The following ABCA12 variants were observed in gnomAD, a reference collection of about 807,000 sequenced individuals.
ABCA12 encodes ATP binding cassette subfamily A member 12, also known as glucosylceramide transporter ABCA12.
In ABCA12, 156 loss-of-function variants were observed where a neutral mutation model predicts 293.5. The ratio of observed to expected loss-of-function variants is 0.53; its 90% CI spans 0.47 to 0.61. The LOEUF is 0.61. Among genes scored for constraint, ABCA12 ranks in the 20% least tolerant of loss-of-function variants. The pLI, the probability that ABCA12 is intolerant of heterozygous loss-of-function variation, is 0.00. For synonymous variants in ABCA12, 1,063 were observed against 1,108.0 expected (o/e 0.96, Z 0.81); for missense variants, 2,797 against 3,090.2 (o/e 0.91, Z 2.25).
chr2:215,090,782 C>T (rs2106106000), intron 2 of ABCA12, among the ~76,000 whole-genome samples: 1 of 152,232 alleles, frequency 6.6e-6, no homozygotes, highest in African/African-American at 2.4e-5. Context: ...TGTCTCTACC[C>T]TCTTTTATCT....
chr2:215,071,957 G>A (rs375609586), intron 2 of ABCA12, among the ~76,000 whole-genome samples: 15 of 152,254 alleles, frequency 9.9e-5, no homozygotes, highest in African/African-American at 3.6e-4. Flanking sequence ...AGTGGGTGTG[G>A]TGCCATGATA....
At chr2:214,952,330 C>T (rs1299439066) in intron 44 of ABCA12, among the ~76,000 whole-genome samples, 7 of 151,714 alleles carry the variant, frequency 4.6e-5, no homozygotes, top group African/African-American at 4.8e-5. Flanking sequence ...AAGCAATTCT[C>T]GTGCCTCAGC....
chr2:214,982,073 A>G, intron 30 of ABCA12, 114 bp downstream of exon 30: 1 of 1,108,356 alleles, frequency 9.0e-7, no homozygotes. Flanking sequence ...TGGCCTCCCA[A>G]AGTGCTGGGA....
intron 9 of ABCA12, among the ~76,000 whole-genome samples, chr2:215,031,081 CATA>C (rs1251898900): frequency 6.6e-6 from 1 of 152,104 alleles, no homozygotes; most frequent in Non-Finnish European, 1.5e-5. Flanking sequence ...CATTTCTTAC[CATA>C]ATTATCACAG....
intron 38 of ABCA12, 52 bp from the exon 39 acceptor site, chr2:214,967,005 G>A: frequency 1.4e-6 from 2 of 1,409,438 alleles, no homozygotes; most frequent in East Asian, 2.3e-5. Flanking sequence ...AATAAATTAG[G>A]CTGTCTTAAC....
intron 44 of ABCA12, among the ~76,000 whole-genome samples, chr2:214,951,328 G>A (rs1698763694): frequency 6.6e-6 from 1 of 152,108 alleles, no homozygotes; most frequent in Non-Finnish European, 1.5e-5. Context: ...CCACTGTTAA[G>A]ATTTATAATT....
intron 46 of ABCA12, 135 bp downstream of exon 46, chr2:214,948,905 C>T: frequency 8.7e-7 from 1 of 1,149,960 alleles, no homozygotes; most frequent in African/African-American, 1.5e-5. Context: ...TAAACATTTC[C>T]ACCCACCTTA....
At chr2:215,073,683 GC>G (rs1701781865) in intron 2 of ABCA12, among the ~76,000 whole-genome samples, 1 of 152,188 alleles carries the variant, frequency 6.6e-6, no homozygotes, top group African/African-American at 2.4e-5. Context: ...TTCCTGCAGT[GC>G]CACTGCATCT....
At chr2:215,030,536 G>A (rs1048016147) in intron 9 of ABCA12, among the ~76,000 whole-genome samples, 18 of 151,800 alleles carry the variant, frequency 1.2e-4, no homozygotes, top group Admixed American at 4.6e-4. Context: ...GCCGGGAGGC[G>A]GAGCTTGCAG....
Position 214,934,315 on chromosome 2 carries a change from C to G in ABCA12, c.7543-100G>C, listed in dbSNP as rs1037167249. The G allele has an allele frequency of 5.4e-6, 7 of 1,306,510 alleles. No homozygotes were observed. In the African/African-American group the frequency reaches 8.7e-5, roughly 16 times the overall value. 80.9% of individuals were successfully genotyped at this position (1,306,510 alleles called of 1,614,324 possible). On this transcript the variant is annotated intron_variant, in intron 51 of 52. Transcript: ENST00000272895. ...AGAGTTCAGGAAAATAACTGAAGTT[C>G]ATTCCACTGAAAATGATGCTACAGT...
intron 11 of ABCA12, 176 bp downstream of exon 11, chr2:215,025,497 G>A: frequency 1.7e-6 from 1 of 573,594 alleles, no homozygotes; most frequent in Non-Finnish European, 3.0e-6. Flanking sequence ...AGAGTCGTAA[G>A]TAGGGCCATT....
In ABCA12 at chr2:215,033,704, G is replaced by T. The variant is rs147234227; in HGVS notation, c.986-1808C>A. On this transcript the variant is annotated intron_variant, in intron 8 of 52. Coordinates refer to ENST00000272895, the MANE Select transcript of ABCA12 (RefSeq NM_173076.3). ...TGCCTGTAATCCCAGCATTTTGGGA[G>T]GTCGAGGTGGGCACATCACGAGGTC... 4.9e-3 allele frequency among the ~76,000 whole-genome samples: 740 copies of T among 152,208 alleles called. 5 individuals carry two copies. The highest frequency in any genetic ancestry group is 0.017 in the African/African-American group (692 of 41,528).
At chr2:215,116,949 A>G (rs1156528684) in intron 1 of ABCA12, among the ~76,000 whole-genome samples, 3 of 152,200 alleles carry the variant, frequency 2.0e-5, no homozygotes, top group Admixed American at 6.5e-5. Context: ...TGCAGCAGGT[A>G]ATTCTAAACT....
intron 2 of ABCA12, among the ~76,000 whole-genome samples, chr2:215,103,371 C>T (rs1223348250): frequency 6.8e-6 from 1 of 147,248 alleles, no homozygotes; most frequent in Admixed American, 7.0e-5. Context: ...TGGGTTCAAG[C>T]AATTATCCTG....
rs779369872 is a variant in ABCA12, at chr2:214,997,843, A to T, written c.3180-34T>A. 4.1e-6 allele frequency: 5 copies of T among 1,214,776 alleles called. No homozygotes were observed. In the Middle Eastern group the frequency reaches 9.5e-4, roughly 230 times the overall value. The allele number at this position is 1,214,776 out of a possible 1,614,324, so 75.2% of individuals were successfully genotyped here. On this transcript the variant is annotated intron_variant, in intron 22 of 52. Coordinates refer to ENST00000272895, the MANE Select transcript of ABCA12 (RefSeq NM_173076.3). ...CAAACAAAAAAAGAAAAATTCAGCG[A>T]CCAAAATGAACACCATACTTGCAGA...
chr2:215,053,544 A>G (rs530860322), intron 4 of ABCA12, among the ~76,000 whole-genome samples: 2 of 152,138 alleles, frequency 1.3e-5, no homozygotes, highest in South Asian at 4.1e-4. Context: ...GCTTTAACCT[A>G]CTCAGCCAAA....
chr2:214,968,161 A>G (rs1018855286), intron 38 of ABCA12, among the ~76,000 whole-genome samples: 14 of 152,078 alleles, frequency 9.2e-5, no homozygotes, highest in African/African-American at 2.2e-4. Flanking sequence ...CATCCCTTAA[A>G]CTATACACGG....
chr2:215,138,102 C>G, intron 1 of ABCA12, 38 bp downstream of exon 1: 1 of 1,580,888 alleles, frequency 6.3e-7, no homozygotes, highest in Non-Finnish European at 8.7e-7. Context: ...TGGCGTATTG[C>G]CCCATGACCC....
chr2:215,052,640 G>A (rs1701343292), intron 4 of ABCA12, 56 bp from the exon 5 acceptor site: 1 of 1,398,136 alleles, frequency 7.2e-7, no homozygotes, highest in African/African-American at 1.4e-5. Flanking sequence ...CAAATGCACA[G>A]GACCACATGA....
Sources: allele counts gnomAD v4.1 joint callset (sites outside exome capture counted in the v4.1 genomes callset), GRCh38; gene constraint gnomAD v4.1.1; transcripts MANE v1.5; gene names NCBI Gene and HGNC (gene_info 2026-07-23, HGNC 2026-07-21).